Variants in C4orf36 observed in about 807,000 individuals in gnomAD.
C4orf36 encodes the protein uncharacterized protein C4orf36.
C4orf36 carries 11 observed loss-of-function variants against 12.2 expected under a neutral mutation model. The ratio of observed to expected loss-of-function variants is 0.90; its 90% CI spans 0.57 to 1.49. C4orf36 has a LOEUF of 1.49. Among genes scored for constraint, C4orf36 ranks in the 40% most tolerant of loss-of-function variants. C4orf36 has a pLI of 0.00. For missense variants in C4orf36, 137 were observed against 133.9 expected (o/e 1.02, Z -0.11); for synonymous variants, 54 against 51.3 (o/e 1.05, Z -0.22).
chr4:86,891,545 G>T lies in C4orf36; in HGVS notation c.-25C>A. 1 of 1,613,660 alleles carries T rather than the reference G, an allele frequency of 6.2e-7. No homozygotes were observed. Among genetic ancestry groups the T allele is most frequent in the East Asian group, 2.2e-5 (1 of 44,858 alleles). On this transcript the variant is annotated 5_prime_UTR_variant, in exon 2 of 5. Coordinates refer to ENST00000295898, the MANE Select transcript of C4orf36 (RefSeq NM_144645.4). ...TGGTGAGTTATTACGGTATGATTTC[G>T]TTACATAGGTGCCTGATGGAATGTC...
the C4orf36 span, among the ~76,000 whole-genome samples, chr4:86,912,052 T>G: frequency 6.6e-6 from 1 of 151,946 alleles, no homozygotes; most frequent in African/African-American, 2.4e-5. Context: ...GTTTTGTATT[T>G]TTAGTAGAGA....
chr4:86,928,934 TTTTG>T, the C4orf36 span, among the ~76,000 whole-genome samples: 1 of 152,156 alleles, frequency 6.6e-6, no homozygotes. Flanking sequence ...CTTCTCCCTC[TTTTG>T]TTTTAGAATT....
At chr4:86,877,354 A>T (rs567041839) in intron 4 of C4orf36, among the ~76,000 whole-genome samples, 1 of 152,366 alleles carries the variant, frequency 6.6e-6, no homozygotes, top group East Asian at 1.9e-4. Context: ...AAGAACAAAT[A>T]GGAGAGGACA....
the C4orf36 span, chr4:86,935,130 C>G: frequency 6.6e-6 from 1 of 152,268 alleles, no homozygotes; most frequent in African/African-American, 2.4e-5. Context: ...CGGGAGGAGG[C>G]GCTCCCCTGC....
chr4:86,889,378 T>C (rs12186239), intron 2 of C4orf36, among the ~76,000 whole-genome samples: 9,360 of 150,656 alleles, frequency 0.062, 424 homozygotes, highest in Non-Finnish European at 0.087. Flanking sequence ...ATGGAAATAA[T>C]CTTAATATCT....
chr4:86,904,424 C>G, the C4orf36 span, among the ~76,000 whole-genome samples: 2 of 152,066 alleles, frequency 1.3e-5, no homozygotes, highest in Non-Finnish European at 2.9e-5. Flanking sequence ...CGAGGAGGCG[C>G]GGAGAGTGAG....
At chr4:86,923,579 GAA>G in the C4orf36 span, among the ~76,000 whole-genome samples, 138 of 152,182 alleles carry the variant, frequency 9.1e-4, no homozygotes, top group Non-Finnish European at 1.8e-3. Context: ...CCAATGTGGT[GAA>G]ACCCTGTCTC....
chr4:86,912,888 G>T, the C4orf36 span, among the ~76,000 whole-genome samples: 3 of 149,790 alleles, frequency 2.0e-5, no homozygotes, highest in Admixed American at 6.7e-5. Flanking sequence ...CATCCACAAG[G>T]TTCATTCTAG....
intron 4 of C4orf36, among the ~76,000 whole-genome samples, chr4:86,880,746 A>G (rs1747033137): frequency 6.8e-6 from 1 of 146,438 alleles, no homozygotes; most frequent in Admixed American, 6.7e-5. Flanking sequence ...ATATGTAGAT[A>G]AAATGTAGAA....
chr4:86,904,758 A>G, the C4orf36 span, among the ~76,000 whole-genome samples: 1 of 152,010 alleles, frequency 6.6e-6, no homozygotes, highest in African/African-American at 2.4e-5. Flanking sequence ...TGTAAGTTCA[A>G]TGATTACAGA....
At chr4:86,909,130 G>C in the C4orf36 span, among the ~76,000 whole-genome samples, 2 of 152,144 alleles carry the variant, frequency 1.3e-5, no homozygotes, top group Non-Finnish European at 2.9e-5. Context: ...CATATCTCAT[G>C]CAGGCTCCTC....
At chr4:86,895,947 A>G (rs570005298), upstream of C4orf36, among the ~76,000 whole-genome samples, 1 of 152,358 alleles carries the variant, frequency 6.6e-6, no homozygotes, top group East Asian at 1.9e-4. Flanking sequence ...TGTTAACACT[A>G]AAGCACAAGA....
intron 4 of C4orf36, among the ~76,000 whole-genome samples, chr4:86,877,965 T>A (rs1366147983): frequency 2.0e-5 from 3 of 152,198 alleles, no homozygotes; most frequent in Non-Finnish European, 4.4e-5. Context: ...ATAAGTGAGA[T>A]AAAATTGGCC....
chr4:86,895,461 TC>T (rs1197715330), upstream of C4orf36, among the ~76,000 whole-genome samples: 2 of 152,280 alleles, frequency 1.3e-5, no homozygotes, highest in African/African-American at 4.8e-5. Flanking sequence ...AAAATGCTCA[TC>T]TTTTTATAAT....
At chr4:86,914,145 C>T in the C4orf36 span, 1 of 1,597,724 alleles carries the variant, frequency 6.3e-7, no homozygotes. Context: ...GAATCGTGCT[C>T]CACTTCCCAC....
chr4:86,926,585 C>T, the C4orf36 span, among the ~76,000 whole-genome samples: 7 of 152,222 alleles, frequency 4.6e-5, no homozygotes, highest in Admixed American at 1.3e-4. Context: ...AATGAATCTC[C>T]GGGTTGGCCA....
At chr4:86,909,877 G>A in the C4orf36 span, among the ~76,000 whole-genome samples, 14 of 133,702 alleles carry the variant, frequency 1.0e-4, no homozygotes, top group African/African-American at 3.5e-4. Context: ...AGGTGCCTGG[G>A]CAACAGAGGA....
chr4:86,934,458 T>C, the C4orf36 span: 4 of 152,202 alleles, frequency 2.6e-5, no homozygotes, highest in Non-Finnish European at 4.4e-5. Flanking sequence ...TGCCACTTAG[T>C]AGCCTGTGAC....
the C4orf36 span, among the ~76,000 whole-genome samples, chr4:86,906,728 C>CAAA: frequency 8.4e-3 from 659 of 78,536 alleles, 32 homozygotes; most frequent in Admixed American, 0.026. Flanking sequence ...AAGACGGTCT[C>CAAA]AAAAAAAAAA....
Sources: allele counts gnomAD v4.1 joint callset (sites outside exome capture counted in the v4.1 genomes callset), GRCh38; gene constraint gnomAD v4.1.1; transcripts MANE v1.5; gene names NCBI Gene and HGNC (gene_info 2026-07-23, HGNC 2026-07-21).